VEZF1: variants seen among roughly 807,000 people sequenced by gnomAD.
VEZF1 encodes the protein putative transcription factor DB1.
In VEZF1, 5 loss-of-function variants were observed where a neutral mutation model predicts 44.1. The ratio of observed to expected loss-of-function variants is 0.11; its 90% CI spans 0.06 to 0.24. The LOEUF is 0.24. Among genes scored for constraint, VEZF1 ranks in the 10% least tolerant of loss-of-function variants. The pLI, the probability that VEZF1 is intolerant of heterozygous loss-of-function variation, is 1.00. For missense variants in VEZF1, 358 were observed against 641.8 expected (o/e 0.56, Z 4.78); for synonymous variants, 236 against 233.1 (o/e 1.01, Z -0.11).
intron 5 of VEZF1, among the ~76,000 whole-genome samples, chr17:57,976,481 G>A (rs1404728873): frequency 6.6e-6 from 1 of 152,152 alleles, no homozygotes; most frequent in Non-Finnish European, 1.5e-5. Flanking sequence ...AAATTTAGAT[G>A]GAACTTGGGA....
chr17:57,985,219 A>C (rs1231164061), intron 1 of VEZF1: 2 of 1,210,476 alleles, frequency 1.7e-6, no homozygotes, highest in African/African-American at 1.6e-5. Flanking sequence ...AACTCTAAAC[A>C]ACCATTAGTA....
At chr17:57,985,522 A>G in intron 1 of VEZF1, 2 of 867,402 alleles carry the variant, frequency 2.3e-6, no homozygotes, top group Non-Finnish European at 2.8e-6. Flanking sequence ...TAAGTGATTT[A>G]TTTTAAAAAT....
At position 57,982,854 on chromosome 17, in the gene VEZF1, T is replaced by C. The variant is rs2228270; in HGVS notation, c.573A>G (p.Arg191=). 108,185 of 1,614,056 alleles carry C rather than the reference T, an allele frequency of 0.067. 4,228 individuals are homozygous for C. Among genetic ancestry groups the C allele is most frequent in the African/African-American group, 0.16 (12,146 of 74,970 alleles). Residue 191 remains arginine (R), a synonymous_variant, in exon 2 of 6, where the codon CGA becomes CGG. Transcript: ENST00000581208. ...TCTCATCTGAATGGGAGAGCTTGTG[T>C]CGATTGAGATGGTACACATCTCGGA... ...KAFRDVYHLN[R]HKLSHSDEKP...
intron 5 of VEZF1, among the ~76,000 whole-genome samples, chr17:57,976,599 C>T (rs8077818): frequency 0.26 from 39,012 of 152,024 alleles, 7,296 homozygotes; most frequent in African/African-American, 0.53. Context: ...TAGATTCAAG[C>T]TTAGATTTTC....
rs1135655 is a variant in VEZF1 at position 57,979,189 on chromosome 17, C to G, written c.1101G>C (p.Leu367=). ...CTTTAACAGCTTCTTCCCACAGTCT[C>G]AGTGTTTCTACTTGCTTCCCTGGCC... The part of the protein sequence containing the change: ...TSWPGKQVET[L]RLWEEAVKAR... Residue 367 remains leucine, a synonymous_variant, in exon 5 of 6, where the codon CTG becomes CTC. Coordinates refer to ENST00000581208, the MANE Select transcript of VEZF1 (RefSeq NM_007146.3). The G allele has an allele frequency of 0.094, 152,231 of 1,613,660 alleles. 7,670 individuals are homozygous for G. Among genetic ancestry groups the G allele is most frequent in the Middle Eastern group, 0.12 (705 of 5,806 alleles).
At chr17:57,980,061 A>G (rs1424690824) in intron 4 of VEZF1, among the ~76,000 whole-genome samples, 2 of 152,170 alleles carry the variant, frequency 1.3e-5, no homozygotes, top group Non-Finnish European at 2.9e-5. Context: ...TGTACTTACA[A>G]ACCCAGTGTA....
Position 57,982,693 on chromosome 17 carries a change from C to T in VEZF1, c.728+6G>A, listed in dbSNP as rs769146767. The T allele has an allele frequency of 8.2e-6, 13 of 1,591,612 alleles. No individual in the cohort carries two copies. The highest frequency in any genetic ancestry group is 5.2e-5 in the Admixed American group (3 of 57,676). On this transcript the variant is annotated splice_donor_region_variant and intron_variant, in intron 2 of 5. Transcript: ENST00000581208. Reference sequence around the variant, plus strand: ...AAGCAAAGCAAAGCAAAGCAAAATGCAGTACCTTGAGAAGCCTTTCCCACA... The same window carrying T: ...AAGCAAAGCAAAGCAAAGCAAAATGTAGTACCTTGAGAAGCCTTTCCCACA...
Position 57,972,521 on chromosome 17 carries a change from C to G in VEZF1, c.*1952G>C, listed in dbSNP as rs368485459. 4.6e-5 allele frequency: 7 copies of G among 152,758 alleles called. No individual in the cohort carries two copies. In the South Asian group the frequency reaches 1.4e-3, roughly 32 times the overall value. 9.5% of individuals were successfully genotyped at this position (152,758 alleles called of 1,614,324 possible). A position where few individuals can be genotyped will look rare whatever the true frequency, so the allele number is the denominator to read the frequency against. On this transcript the variant is annotated 3_prime_UTR_variant, in exon 6 of 6. Coordinates refer to ENST00000581208, the MANE Select transcript of VEZF1 (RefSeq NM_007146.3). The stretch of plus-strand genomic sequence containing the variant: ...TAATGCTCTACATATTAAAAACAAA[C>G]CATTTTTGTACTGTGGATAAGAACA...
In VEZF1 at chr17:57,986,142, T is replaced by C. The variant is rs772096207; in HGVS notation, c.33+1937A>G. On this transcript the variant is annotated intron_variant, in intron 1 of 5. Transcript: ENST00000581208. The stretch of plus-strand genomic sequence containing the variant: ...CATCAGGTGGAAAAAAAGATTTTAA[T>C]AGCTGAAAAAAATTAAATAATATAA... 1.9e-3 allele frequency: 285 copies of C among 152,320 alleles called. 1 individual carries two copies. Among genetic ancestry groups the C allele is most frequent in the African/African-American group, 6.4e-3 (268 of 41,586 alleles). 9.4% of individuals were successfully genotyped at this position (152,320 alleles called of 1,614,324 possible).
At chr17:57,977,248 C>T (rs1357391084) in intron 5 of VEZF1, among the ~76,000 whole-genome samples, 1 of 152,002 alleles carries the variant, frequency 6.6e-6, no homozygotes. Flanking sequence ...TCCTGAGTAG[C>T]GGGGACTACA....
intron 5 of VEZF1, among the ~76,000 whole-genome samples, chr17:57,975,304 G>C (rs1329435008): frequency 6.6e-6 from 1 of 152,228 alleles, no homozygotes; most frequent in African/African-American, 2.4e-5. Flanking sequence ...ACCTCCAGCA[G>C]GCCAGGCTAA....
rs1477209774 is a variant in VEZF1 at position 57,982,902 on chromosome 17, A to G, written c.525T>C (p.Ala175=). The change falls in exon 2 of 6, where the codon GCT becomes GCC. Residue 175 remains alanine, a synonymous_variant. Coordinates refer to ENST00000581208, the MANE Select transcript of VEZF1 (RefSeq NM_007146.3). ...KPSKPVKKNH[A]CEMCGKAFRD... ...GGAAGGCCTTCCCACACATCTCACA[A>G]GCATGGTTCTTCTTGACAGGCTTAC... is the stretch of plus-strand genomic sequence containing the variant. 1 of 1,614,074 alleles carries G rather than the reference A, an allele frequency of 6.2e-7. No individual in the cohort carries two copies. The highest frequency in any genetic ancestry group is 2.2e-5 in the East Asian group (1 of 44,892).
At chr17:57,985,985 C>T (rs1179578154) in intron 1 of VEZF1, 1 of 152,156 alleles carries the variant, frequency 6.6e-6, no homozygotes, top group African/African-American at 2.4e-5. Context: ...CTATTCATAC[C>T]TTTCCATAGA....
chr17:57,985,346 C>G (rs2075285264), intron 1 of VEZF1: 1 of 1,230,892 alleles, frequency 8.1e-7, no homozygotes, highest in African/African-American at 1.6e-5. Context: ...CACCAGGTCC[C>G]TGCTTCTTGG....
In VEZF1 at chr17:57,988,233, T is replaced by G. The variant is rs949998256; in HGVS notation, c.-122A>C. 1.8e-5 allele frequency: 3 copies of G among 170,738 alleles called. No homozygotes were observed. Among genetic ancestry groups the G allele is most frequent in the Non-Finnish European group, 2.4e-5 (2 of 83,228 alleles). 10.6% of individuals were successfully genotyped at this position (170,738 alleles called of 1,614,324 possible). A position where few individuals can be genotyped will look rare whatever the true frequency, so the allele number is the denominator to read the frequency against. ...CAACGGCAGCGGCGGCTCCTCAACA[T>G]GGCAGCGCCGAGCGCGGCCACTTCC... On this transcript the variant is annotated 5_prime_UTR_variant, in exon 1 of 6. It removes an upstream start codon present in the reference 5' UTR. Transcript: ENST00000581208.
At chr17:57,985,591 T>C (rs1341208231) in intron 1 of VEZF1, 1 of 313,324 alleles carries the variant, frequency 3.2e-6, no homozygotes, top group Non-Finnish European at 4.6e-6. Context: ...TTTAATTTTA[T>C]ATCCCATCTC....
chr17:57,977,270 T>C (rs1005331735), intron 5 of VEZF1, among the ~76,000 whole-genome samples: 7 of 151,988 alleles, frequency 4.6e-5, no homozygotes, highest in African/African-American at 1.7e-4. Context: ...ACACGCACTG[T>C]CACGTCCGGC....
At position 57,988,125 on chromosome 17, in the gene VEZF1, G is replaced by A; in HGVS notation, c.-14C>T. On this transcript the variant is annotated 5_prime_UTR_variant, in exon 1 of 6. Transcript: ENST00000581208. ...GTTGGCCTCCATGGCTGCGGCGGCC[G>A]ACCCCCCTCCTCCCCACTCCCCCCG... The A allele has an allele frequency of 1.2e-6, 1 of 819,014 alleles. No individual in the cohort carries two copies. Among genetic ancestry groups the A allele is most frequent in the Non-Finnish European group, 1.6e-6 (1 of 640,344 alleles). 50.7% of individuals were successfully genotyped at this position (819,014 alleles called of 1,614,324 possible).
intron 1 of VEZF1, among the ~76,000 whole-genome samples, chr17:57,987,649 G>A (rs1417490441): frequency 6.6e-6 from 1 of 152,060 alleles, no homozygotes; most frequent in Non-Finnish European, 1.5e-5. Context: ...CTCAGGGCAG[G>A]ACCTGGGGAC....
Sources: allele counts gnomAD v4.1 joint callset (sites outside exome capture counted in the v4.1 genomes callset), GRCh38; gene constraint gnomAD v4.1.1; transcripts MANE v1.5; gene names NCBI Gene and HGNC (gene_info 2026-07-23, HGNC 2026-07-21).